NR4A3: variants seen among roughly 807,000 people sequenced by gnomAD.
NR4A3 encodes the protein nuclear receptor subfamily 4 group A member 3, also known as chondrosarcoma, extraskeletal myxoid, fused to EWS.
In NR4A3, 13 loss-of-function variants were observed where a neutral mutation model predicts 55.6. The ratio of observed to expected loss-of-function variants is 0.23; its 90% CI spans 0.15 to 0.37. NR4A3 has a LOEUF of 0.37. Among genes scored for constraint, NR4A3 ranks in the 10% least tolerant of loss-of-function variants. NR4A3 has a pLI of 1.00. For synonymous variants in NR4A3, 342 were observed against 357.9 expected (o/e 0.96, Z 0.50); for missense variants, 646 against 822.8 (o/e 0.79, Z 2.63).
At chr9:99,833,780 A>G (rs1366073258) in intron 5 of NR4A3, 15 of 1,349,666 alleles carry the variant, frequency 1.1e-5, no homozygotes, top group Non-Finnish European at 1.4e-5. Flanking sequence ...TGATCTAGAC[A>G]AAGTGACTAC....
intron 5 of NR4A3, among the ~76,000 whole-genome samples, chr9:99,842,148 T>C (rs1208629553): frequency 1.3e-5 from 2 of 151,118 alleles, no homozygotes; most frequent in African/African-American, 4.9e-5. Flanking sequence ...TACTGCTTCT[T>C]GGGAAAACAC....
chr9:99,830,221 G>C (rs1587874122), intron 3 of NR4A3, among the ~76,000 whole-genome samples: 2 of 152,330 alleles, frequency 1.3e-5, no homozygotes, highest in South Asian at 4.1e-4. Flanking sequence ...GAGTACACCA[G>C]AATTAGTGAG....
chr9:99,865,988 C>G lies in NR4A3; in HGVS notation c.*2121C>G, dbSNP rs1368929412. 2 of 219,092 alleles carry G rather than the reference C, an allele frequency of 9.1e-6. No homozygotes were observed. The highest frequency in any genetic ancestry group is 1.8e-5 in the Non-Finnish European group (2 of 108,966). The allele number at this position is 219,092 out of a possible 1,614,324, so 13.6% of individuals were successfully genotyped here. A position where few individuals can be genotyped will look rare whatever the true frequency, so the allele number is the denominator to read the frequency against. ...TTACTCAAGGTCAAACAGCTGGTAA[C>G]AGAATCAAGACTAAGACCTAATTTA... On this transcript the variant is annotated 3_prime_UTR_variant, in exon 8 of 8. Transcript: ENST00000395097. This position sits in a 1 kb window ranked among gnomAD's most constrained non-coding sequence, Gnocchi z 4.3.
chr9:99,846,013 C>T (rs1269910072), intron 6 of NR4A3, among the ~76,000 whole-genome samples: 1 of 152,174 alleles, frequency 6.6e-6, no homozygotes, highest in East Asian at 1.9e-4. Context: ...AGGCAGGTGC[C>T]ATATATGTCC....
intron 5 of NR4A3, among the ~76,000 whole-genome samples, chr9:99,836,453 G>A (rs1317366276): frequency 6.6e-6 from 1 of 152,204 alleles, no homozygotes; most frequent in African/African-American, 2.4e-5. Flanking sequence ...GATGATGGTT[G>A]CATGGACTCT....
At chr9:99,824,395 G>C (rs1228943311) in intron 1 of NR4A3, among the ~76,000 whole-genome samples, 1 of 152,220 alleles carries the variant, frequency 6.6e-6, no homozygotes, top group Non-Finnish European at 1.5e-5. Context: ...GGGATTGCTG[G>C]AGACCCCCAT....
intron 7 of NR4A3, among the ~76,000 whole-genome samples, chr9:99,859,568 G>A (rs932148263): frequency 3.9e-5 from 6 of 152,216 alleles, no homozygotes; most frequent in African/African-American, 1.4e-4. Context: ...AATTCCTCAA[G>A]GAATTCCAGG....
intron 3 of NR4A3, 124 bp from the exon 4 acceptor site, chr9:99,832,565 A>C: frequency 1.3e-6 from 1 of 793,044 alleles, no homozygotes; most frequent in Non-Finnish European, 1.8e-6. Context: ...GTTTTAGGAA[A>C]TTAAATTTAT....
At position 99,828,360 on chromosome 9, in the gene NR4A3, C is replaced by T. The variant is rs1250536174; in HGVS notation, c.318C>T (p.His106=). ...HHHHHHHHHH[H]HHQQQHQQPS... ...ACCACCACCACCACCACCACCACCA[C>T]CATCACCAGCAGCAGCATCAGCAGC... Residue 106 remains histidine, a synonymous_variant, in exon 3 of 8, where the codon CAC becomes CAT. Coordinates refer to ENST00000395097, the MANE Select transcript of NR4A3 (RefSeq NM_006981.4). This position sits in a 1 kb window ranked among gnomAD's most constrained non-coding sequence, Gnocchi z 7.7. 1.3e-6 allele frequency: 2 copies of T among 1,599,310 alleles called. No individual in the cohort carries two copies. The highest frequency in any genetic ancestry group is 1.1e-5 in the South Asian group (1 of 88,236).
In NR4A3 at chr9:99,862,487, G is replaced by A. The variant is rs1037190799; in HGVS notation, c.1634-1133G>A. The stretch of plus-strand genomic sequence containing the variant: ...TTGAATCGGGGTGGAGGAAGTGGGG[G>A]AGCAGTGAGCCAAGATCGCACCACT... On this transcript the variant is annotated intron_variant, in intron 7 of 7. Coordinates refer to ENST00000395097, the MANE Select transcript of NR4A3 (RefSeq NM_006981.4). Among the ~76,000 whole-genome samples the A allele has an allele frequency of 6.9e-5, 10 of 145,128 alleles. No individual in the cohort carries two copies. In the South Asian group the frequency reaches 9.3e-4, roughly 13 times the overall value.
chr9:99,833,673 A>C (rs1827492391), intron 5 of NR4A3: 1 of 1,576,456 alleles, frequency 6.3e-7, no homozygotes, highest in South Asian at 1.1e-5. Flanking sequence ...AGTGACCCTG[A>C]CAGTGCTGCA....
chr9:99,840,205 G>A (rs928175232), intron 5 of NR4A3, among the ~76,000 whole-genome samples: 1 of 152,228 alleles, frequency 6.6e-6, no homozygotes, highest in Non-Finnish European at 1.5e-5. Context: ...TGGCAGGCTG[G>A]GCCGGCTGGC....
At chr9:99,824,780 C>T (rs959561390) in intron 1 of NR4A3, among the ~76,000 whole-genome samples, 1 of 152,378 alleles carries the variant, frequency 6.6e-6, no homozygotes, top group Non-Finnish European at 1.5e-5. Flanking sequence ...TTCCCTGAGG[C>T]CTGCTGAGCT....
intron 5 of NR4A3, 132 bp from the exon 6 acceptor site, chr9:99,844,517 A>G (rs1013273400): frequency 1.5e-6 from 1 of 662,970 alleles, no homozygotes; most frequent in Non-Finnish European, 2.6e-6. Flanking sequence ...GTGAATGTGA[A>G]GGGGTTTTAT....
In NR4A3 at chr9:99,865,496, T is replaced by A; in HGVS notation, c.*1629T>A. 5.4e-6 allele frequency: 1 copy of A among 184,362 alleles called. No homozygotes were observed. The highest frequency in any genetic ancestry group is 1.2e-5 in the Non-Finnish European group (1 of 86,510). The allele number at this position is 184,362 out of a possible 1,614,324, so 11.4% of individuals were successfully genotyped here. ...TGTTTTGCTAAATTCGAATAATGTT[T>A]GAAGATTTTTAGGTCTAAAAGTCTT... On this transcript the variant is annotated 3_prime_UTR_variant, in exon 8 of 8. Coordinates refer to ENST00000395097, the MANE Select transcript of NR4A3 (RefSeq NM_006981.4). This position sits in a 1 kb window ranked among gnomAD's most constrained non-coding sequence, Gnocchi z 4.3.
chr9:99,828,644 C>A lies in NR4A3; in HGVS notation c.602C>A (p.Pro201His). The change falls in exon 3 of 8, where the codon CCC becomes CAC. Residue 201 changes from proline to histidine, a missense_variant. Coordinates refer to ENST00000395097, the MANE Select transcript of NR4A3 (RefSeq NM_006981.4). The surrounding 1 kb of genome is among the most constrained non-coding windows in gnomAD (Gnocchi z 7.7). ...FHFKPSPPHP[P>H]APSPAGGHHL... Reference sequence around the variant, plus strand: ...TTCAAGCCCTCGCCGCCGCATCCCCCCGCGCCCAGCCCGGCCGGCGGCCAC... The same window carrying A: ...TTCAAGCCCTCGCCGCCGCATCCCCACGCGCCCAGCCCGGCCGGCGGCCAC... 1 of 1,444,188 alleles carries A rather than the reference C, an allele frequency of 6.9e-7. No individual in the cohort carries two copies. 89.5% of individuals were successfully genotyped at this position (1,444,188 alleles called of 1,614,324 possible).
chr9:99,830,505 A>T (rs987075731), intron 3 of NR4A3, among the ~76,000 whole-genome samples: 6 of 152,204 alleles, frequency 3.9e-5, no homozygotes, highest in African/African-American at 1.4e-4. Context: ...TGATCTTCAG[A>T]TTGTAAATAT....
In NR4A3 at chr9:99,834,398, C is replaced by T. The variant is rs539789834; in HGVS notation, c.1254+944C>T. ...AAAAATCACAATTATTGAGCAGTTTCTATATGCTAGACATTGTGGTACATT... is the reference window on the plus strand; with the variant it reads ...AAAAATCACAATTATTGAGCAGTTTTTATATGCTAGACATTGTGGTACATT... On this transcript the variant is annotated intron_variant, in intron 5 of 7. Coordinates refer to ENST00000395097, the MANE Select transcript of NR4A3 (RefSeq NM_006981.4). Among the ~76,000 whole-genome samples, 10 of 152,284 alleles carry T rather than the reference C, an allele frequency of 6.6e-5. No homozygotes were observed. In the East Asian group the frequency reaches 1.9e-3, roughly 29 times the overall value.
rs1827194480 is a variant in NR4A3 at position 99,822,296 on chromosome 9, G to C, written c.-288G>C. 6.6e-6 allele frequency: 1 copy of C among 152,416 alleles called. No homozygotes were observed. The highest frequency in any genetic ancestry group is 2.4e-5 in the African/African-American group (1 of 41,412). 9.4% of individuals were successfully genotyped at this position (152,416 alleles called of 1,614,324 possible). Reference sequence around the variant, plus strand: ...CGCTCACCGCCTCCGGGAGCCGCTGGGCTTGTACACCGCAGCCCTTCCGGG... The same window carrying C: ...CGCTCACCGCCTCCGGGAGCCGCTGCGCTTGTACACCGCAGCCCTTCCGGG... On this transcript the variant is annotated 5_prime_UTR_variant, in exon 1 of 8. Transcript: ENST00000395097. This position sits in a 1 kb window ranked among gnomAD's most constrained non-coding sequence, Gnocchi z 4.9.
Sources: gnomAD v4.1 joint callset for allele counts (sites outside exome capture counted in the v4.1 genomes callset) on GRCh38, gnomAD v4.1.1 for gene constraint, Gnocchi (gnomAD v3.1) non-coding constraint, MANE v1.5 for transcripts, NCBI Gene and HGNC (gene_info 2026-07-23, HGNC 2026-07-21) for gene names.